Variants in FERMT2 observed in about 807,000 individuals in gnomAD.
The protein encoded by FERMT2 is fermitin family homolog 2.
A neutral mutation model predicts 82.7 loss-of-function variants in FERMT2; 15 were observed. The observed-to-expected ratio is 0.18, with a 90% CI of 0.12 to 0.28. The LOEUF is 0.28. FERMT2 is among the 10% of genes least tolerant of loss of function. FERMT2 has a pLI of 1.00. For missense variants in FERMT2, 645 were observed against 809.4 expected (o/e 0.80, Z 2.46); for synonymous variants, 274 against 271.5 (o/e 1.01, Z -0.09).
intron 3 of FERMT2, among the ~76,000 whole-genome samples, chr14:52,898,189 T>G (rs1306623988): frequency 6.6e-6 from 1 of 152,142 alleles, no homozygotes; most frequent in Non-Finnish European, 1.5e-5. Flanking sequence ...TTAATAAATT[T>G]GGGGTAAGTA....
intron 2 of FERMT2, among the ~76,000 whole-genome samples, chr14:52,935,556 T>C (rs1566760388): frequency 6.6e-6 from 1 of 152,176 alleles, no homozygotes; most frequent in Non-Finnish European, 1.5e-5. Context: ...CCCTCCTCCA[T>C]GTGAGGAAAC....
intron 10 of FERMT2, among the ~76,000 whole-genome samples, chr14:52,870,956 G>A (rs1335810831): frequency 6.6e-6 from 1 of 152,156 alleles, no homozygotes; most frequent in East Asian, 1.9e-4. Flanking sequence ...GGAATACTTC[G>A]AGTTAGAAAG....
intron 10 of FERMT2, among the ~76,000 whole-genome samples, chr14:52,869,997 G>T (rs763354538): frequency 2.4e-4 from 37 of 152,120 alleles, no homozygotes; most frequent in Admixed American, 9.2e-4. Flanking sequence ...TATAGAATAA[G>T]GATATAAAGA....
At chr14:52,949,285 T>C (rs1414733672) in intron 2 of FERMT2, among the ~76,000 whole-genome samples, 4 of 151,924 alleles carry the variant, frequency 2.6e-5, no homozygotes, top group Non-Finnish European at 5.9e-5. Context: ...TTCAGTACCT[T>C]TACATACAAT....
At chr14:52,865,914 TTTG>T (rs1885252218) in intron 10 of FERMT2, among the ~76,000 whole-genome samples, 1 of 152,206 alleles carries the variant, frequency 6.6e-6, no homozygotes, top group Non-Finnish European at 1.5e-5. Context: ...CCCCCTGCCC[TTTG>T]TTTTCTTTTT....
At chr14:52,890,897 G>A (rs1433753850) in intron 4 of FERMT2, among the ~76,000 whole-genome samples, 1 of 152,164 alleles carries the variant, frequency 6.6e-6, no homozygotes, top group South Asian at 2.1e-4. Context: ...AGCCACCCGC[G>A]CCTGGCCCCT....
chr14:52,933,009 A>G (rs1268092848), intron 2 of FERMT2, among the ~76,000 whole-genome samples: 2 of 151,908 alleles, frequency 1.3e-5, no homozygotes, highest in East Asian at 3.9e-4. Flanking sequence ...AAAATGTAAA[A>G]CAACAAAGAA....
intron 12 of FERMT2, chr14:52,863,319 T>C (rs943645388): frequency 2.6e-5 from 4 of 152,176 alleles, no homozygotes; most frequent in Non-Finnish European, 5.9e-5. Context: ...GTTAAGGAAT[T>C]AGTAAGTGTT....
intron 4 of FERMT2, among the ~76,000 whole-genome samples, chr14:52,890,970 A>G (rs1290151320): frequency 6.6e-6 from 1 of 152,070 alleles, no homozygotes; most frequent in Non-Finnish European, 1.5e-5. Flanking sequence ...ACCCTTCCCC[A>G]TATTCCCTCC....
At chr14:52,895,288 G>A (rs7158555) in intron 3 of FERMT2, among the ~76,000 whole-genome samples, 115,176 of 152,098 alleles carry the variant, frequency 0.76, 46,707 homozygotes, top group Non-Finnish European at 0.89. Flanking sequence ...ACAATTTTTT[G>A]AAAACAGCTC....
At chr14:52,859,798 C>T in intron 13 of FERMT2, 84 bp from the exon 14 acceptor site, 1 of 768,630 alleles carries the variant, frequency 1.3e-6, no homozygotes, top group Non-Finnish European at 2.0e-6. Context: ...AGTGTTCTCT[C>T]TAACCCTAAA....
intron 2 of FERMT2, among the ~76,000 whole-genome samples, chr14:52,942,234 A>G (rs1242682612): frequency 6.6e-6 from 1 of 151,976 alleles, no homozygotes; most frequent in Non-Finnish European, 1.5e-5. Flanking sequence ...GTATATATAC[A>G]TGTAGTATCA....
chr14:52,884,631 G>A (rs1290703312), intron 4 of FERMT2, among the ~76,000 whole-genome samples: 1 of 152,002 alleles, frequency 6.6e-6, no homozygotes, highest in Non-Finnish European at 1.5e-5. Flanking sequence ...ACCCCAGCCA[G>A]TCTGGCTGTA....
intron 3 of FERMT2, among the ~76,000 whole-genome samples, chr14:52,905,340 C>T (rs541204753): frequency 6.6e-6 from 1 of 152,252 alleles, no homozygotes; most frequent in Admixed American, 6.5e-5. Context: ...GGAATGCAAG[C>T]AGGCACTGGG....
rs1594924333 is a variant in FERMT2, at chr14:52,862,513, CA to C, written c.1602+1887del. 2.0e-5 allele frequency: 3 copies of C among 152,332 alleles called. No individual in the cohort carries two copies. In the South Asian group the frequency reaches 6.2e-4, roughly 32 times the overall value. 9.4% of individuals were successfully genotyped at this position (152,332 alleles called of 1,614,324 possible). The stretch of plus-strand genomic sequence containing the variant: ...CGAGACCCCATCTCTACAAAAAATA[CA>C]AAAATTAGCCTGGAGTGGCAGTGCG... On this transcript the variant is annotated intron_variant, in intron 12 of 14. Coordinates refer to ENST00000341590, the MANE Select transcript of FERMT2 (RefSeq NM_006832.3).
At chr14:52,859,903 C>T (rs542938073) in intron 13 of FERMT2, 189 bp from the exon 14 acceptor site, 28 of 346,102 alleles carry the variant, frequency 8.1e-5, no homozygotes, top group Admixed American at 3.3e-4. Context: ...CTGCAAGCTC[C>T]GCCTCCTGGG....
At chr14:52,919,404 A>G in intron 2 of FERMT2, 48 bp from the exon 3 acceptor site, 1 of 1,381,382 alleles carries the variant, frequency 7.2e-7, no homozygotes, top group Non-Finnish European at 1.0e-6. Flanking sequence ...CACCAAGGTG[A>G]TTTTGAGAAA....
rs139423085 is a variant in FERMT2 at position 52,950,503 on chromosome 14, G to T, written c.66C>A (p.Val22=). Reference sequence around the variant, plus strand: ...CATCGCGGTTCAGGTCCGTCACATGGACACTCAGTTCCCACGTCCCGTCCG... The same window carrying T: ...CATCGCGGTTCAGGTCCGTCACATGTACACTCAGTTCCCACGTCCCGTCCG... ...CYADGTWELS[V]HVTDLNRDVT... is the part of the protein sequence containing the mutation. The change falls in exon 2 of 15, where the codon GTC becomes GTA. Residue 22 remains valine (V), a synonymous_variant. Transcript: ENST00000341590. 1.4e-5 allele frequency: 23 copies of T among 1,614,006 alleles called. No homozygotes were observed. The highest frequency in any genetic ancestry group is 1.6e-4 in the Middle Eastern group (1 of 6,084).
intron 3 of FERMT2, among the ~76,000 whole-genome samples, chr14:52,918,263 T>C (rs1229584948): frequency 1.3e-5 from 2 of 152,064 alleles, no homozygotes; most frequent in Non-Finnish European, 2.9e-5. Context: ...AAAAAATACA[T>C]ATAAAATGCT....
Sources: gnomAD v4.1 joint callset for allele counts (sites outside exome capture counted in the v4.1 genomes callset) on GRCh38, gnomAD v4.1.1 for gene constraint, MANE v1.5 for transcripts, NCBI Gene and HGNC (gene_info 2026-07-23, HGNC 2026-07-21) for gene names.